The following IGF1R variants were observed in gnomAD, a reference collection of about 807,000 sequenced individuals.
IGF1R encodes the protein insulin-like growth factor 1 receptor.
Under a neutral mutation model 144.6 loss-of-function variants are expected in IGF1R, and 44 were observed. That is an observed-to-expected ratio of 0.30 (90% confidence interval 0.24 to 0.39). The LOEUF is 0.39. IGF1R is among the 10% of genes least tolerant of loss of function. IGF1R has a pLI of 1.00. For synonymous variants in IGF1R, 795 were observed against 722.8 expected (o/e 1.10, Z -1.60); for missense variants, 1,355 against 1,833.7 (o/e 0.74, Z 4.77).
chr15:98,838,504 G>A (rs1454653378), intron 2 of IGF1R, among the ~76,000 whole-genome samples: 2 of 152,200 alleles, frequency 1.3e-5, no homozygotes, highest in African/African-American at 2.4e-5. Flanking sequence ...TTATTGAGAA[G>A]GTAGATGCGC....
chr15:98,951,854 A>T (rs1459753328), intron 20 of IGF1R, among the ~76,000 whole-genome samples: 1 of 152,196 alleles, frequency 6.6e-6, no homozygotes, highest in Non-Finnish European at 1.5e-5. Flanking sequence ...CTTGACTGTG[A>T]CTACTGGACT....
intron 1 of IGF1R, among the ~76,000 whole-genome samples, chr15:98,656,893 C>G (rs2052498675): frequency 6.6e-6 from 1 of 152,336 alleles, no homozygotes; most frequent in Non-Finnish European, 1.5e-5. Flanking sequence ...TTTAACATGG[C>G]ACTAGCTTTC....
chr15:98,961,301 G>GAGTT lies in IGF1R; in HGVS notation c.*3861_*3864dup, dbSNP rs1555468428. 1 of 233,414 alleles carries GAGTT rather than the reference G, an allele frequency of 4.3e-6. No homozygotes were observed. Among genetic ancestry groups the GAGTT allele is most frequent in the Non-Finnish European group, 8.5e-6 (1 of 117,966 alleles). 14.5% of individuals were successfully genotyped at this position (233,414 alleles called of 1,614,324 possible). ...TATAAGGGTTTTGTTTAAACTGTCC[G>GAGTT]AGTTACTGATGTCATTTTGTTTTTG... On this transcript the variant is annotated 3_prime_UTR_variant, in exon 21 of 21. Transcript: ENST00000650285.
At chr15:98,789,630 C>T (rs1169216255) in intron 2 of IGF1R, among the ~76,000 whole-genome samples, 1 of 152,144 alleles carries the variant, frequency 6.6e-6, no homozygotes, top group Admixed American at 6.5e-5. Context: ...TGATGTAGAC[C>T]TTTAACATTG....
chr15:98,775,753 C>A (rs1376163321), intron 2 of IGF1R, among the ~76,000 whole-genome samples: 1 of 152,220 alleles, frequency 6.6e-6, no homozygotes, highest in Non-Finnish European at 1.5e-5. Flanking sequence ...CTTGTTAAAG[C>A]TCACAGGGCT....
chr15:98,829,204 A>G (rs377541298), intron 2 of IGF1R, among the ~76,000 whole-genome samples: 2 of 152,240 alleles, frequency 1.3e-5, no homozygotes, highest in East Asian at 3.9e-4. Flanking sequence ...GCAGAAGACT[A>G]TTTTTGCTAG....
intron 2 of IGF1R, among the ~76,000 whole-genome samples, chr15:98,774,200 C>G (rs147438195): frequency 2.0e-5 from 3 of 152,258 alleles, no homozygotes; most frequent in South Asian, 2.1e-4. Context: ...AGATCAAGTT[C>G]TCTCTCTCCT....
At chr15:98,821,859 A>ATG (rs1243661028) in intron 2 of IGF1R, among the ~76,000 whole-genome samples, 1 of 125,286 alleles carries the variant, frequency 8.0e-6, no homozygotes, top group Non-Finnish European at 1.9e-5. Flanking sequence ...ACACGGGTGT[A>ATG]TGTGTGCACA....
intron 14 of IGF1R, among the ~76,000 whole-genome samples, chr15:98,930,004 C>G (rs1596463397): frequency 1.3e-5 from 2 of 152,186 alleles, no homozygotes; most frequent in African/African-American, 4.8e-5. Flanking sequence ...TTAAAAAGCG[C>G]TAATCTCAGG....
intron 19 of IGF1R, among the ~76,000 whole-genome samples, chr15:98,946,042 C>T (rs374727990): frequency 8.8e-4 from 133 of 151,794 alleles, no homozygotes; most frequent in African/African-American, 3.2e-3. Context: ...ACGATGACAG[C>T]GTCGTCGTCG....
In IGF1R at chr15:98,697,769, A is replaced by G. The variant is rs374336740; in HGVS notation, c.95-9793A>G. Among the ~76,000 whole-genome samples, 12 of 152,304 alleles carry G rather than the reference A, an allele frequency of 7.9e-5. No homozygotes were observed. In the East Asian group the frequency reaches 2.3e-3, roughly 29 times the overall value. On this transcript the variant is annotated intron_variant, in intron 1 of 20. Transcript: ENST00000650285. ...CTTTTTTTTATTGAGACAGGATCTC[A>G]TTCTGTCACCCAGGCTGGAGTGCGG...
intron 1 of IGF1R, among the ~76,000 whole-genome samples, chr15:98,673,379 CTGT>C (rs1324299905): frequency 1.3e-5 from 2 of 152,218 alleles, no homozygotes; most frequent in African/African-American, 4.8e-5. Context: ...CATTCTCGCT[CTGT>C]TTTACCTTTC....
intron 1 of IGF1R, among the ~76,000 whole-genome samples, chr15:98,674,755 A>C (rs903383694): frequency 1.4e-4 from 21 of 152,246 alleles, no homozygotes; most frequent in African/African-American, 5.1e-4. Flanking sequence ...CTTAATCTCA[A>C]GGTAACCATT....
chr15:98,963,725 T>G lies in IGF1R; in HGVS notation c.*6283T>G, dbSNP rs1399964566. 1 of 233,130 alleles carries G rather than the reference T, an allele frequency of 4.3e-6. No individual in the cohort carries two copies. Among genetic ancestry groups the G allele is most frequent in the African/African-American group, 2.2e-5 (1 of 45,352 alleles). The allele number at this position is 233,130 out of a possible 1,614,324, so 14.4% of individuals were successfully genotyped here. A position where few individuals can be genotyped will look rare whatever the true frequency, so the allele number is the denominator to read the frequency against. ...CCTCGTATCATGACTGATTACTGCTTTGTTAGAACACAGAAGAGACCCTAT... is the reference window on the plus strand; with the variant it reads ...CCTCGTATCATGACTGATTACTGCTGTGTTAGAACACAGAAGAGACCCTAT... On this transcript the variant is annotated 3_prime_UTR_variant, in exon 21 of 21. Coordinates refer to ENST00000650285, the MANE Select transcript of IGF1R (RefSeq NM_000875.5).
intron 15 of IGF1R, among the ~76,000 whole-genome samples, chr15:98,933,791 G>A (rs929640836): frequency 5.9e-5 from 9 of 151,928 alleles, no homozygotes; most frequent in South Asian, 4.2e-4. Context: ...GCCTCTGCCC[G>A]TCCGCTGCCT....
At chr15:98,899,857 C>T (rs979114889) in intron 5 of IGF1R, among the ~76,000 whole-genome samples, 1 of 152,170 alleles carries the variant, frequency 6.6e-6, no homozygotes, top group Non-Finnish European at 1.5e-5. Context: ...TTTGCCTCAT[C>T]AGTCAAGGGT....
chr15:98,861,936 TC>T (rs2012179834), intron 2 of IGF1R, among the ~76,000 whole-genome samples: 1 of 152,244 alleles, frequency 6.6e-6, no homozygotes, highest in Non-Finnish European at 1.5e-5. Context: ...CTTTTCACAT[TC>T]ACTTTTGGCC....
chr15:98,656,519 A>G (rs1277394126), intron 1 of IGF1R, among the ~76,000 whole-genome samples: 2 of 152,220 alleles, frequency 1.3e-5, no homozygotes, highest in Non-Finnish European at 2.9e-5. Flanking sequence ...ACTGCACTCC[A>G]GCCTGGGTGA....
intron 2 of IGF1R, among the ~76,000 whole-genome samples, chr15:98,805,672 T>C (rs2056455735): frequency 1.3e-5 from 2 of 152,230 alleles, no homozygotes; most frequent in African/African-American, 4.8e-5. Flanking sequence ...CTTGTTTAAC[T>C]AATTAAATCT....
Sources: allele counts gnomAD v4.1 joint callset (sites outside exome capture counted in the v4.1 genomes callset), GRCh38; gene constraint gnomAD v4.1.1; transcripts MANE v1.5; gene names NCBI Gene and HGNC (gene_info 2026-07-23, HGNC 2026-07-21).